Variants in CELF2 observed in about 807,000 individuals in gnomAD.
CELF2 encodes CUG triplet repeat RNA-binding protein 2.
Under a neutral mutation model 62.6 loss-of-function variants are expected in CELF2, and 8 were observed. The ratio of observed to expected loss-of-function variants is 0.13; its 90% CI spans 0.07 to 0.23. CELF2 has a LOEUF of 0.23. CELF2 is among the 10% of genes least tolerant of loss of function. The probability of loss-of-function intolerance (pLI) is 1.00; values close to 1 mark genes in which losing one functional copy is unlikely to be tolerated. For missense variants in CELF2, 333 were observed against 671.0 expected (o/e 0.50, Z 5.56); for synonymous variants, 258 against 250.0 (o/e 1.03, Z -0.30).
At chr10:10,811,239 G>A (rs1365739665) in intron 1 of CELF2, among the ~76,000 whole-genome samples, 1 of 152,162 alleles carries the variant, frequency 6.6e-6, no homozygotes, top group Non-Finnish European at 1.5e-5. Context: ...TAAATTAAGT[G>A]GTCAGGACAG....
At chr10:11,197,083 G>GAAAGAAAAGAAAGAAAGGA (rs1554936937) in intron 2 of CELF2, among the ~76,000 whole-genome samples, 1 of 114,810 alleles carries the variant, frequency 8.7e-6, no homozygotes, top group South Asian at 3.4e-4. Flanking sequence ...AAGAAAGAAA[G>GAAAGAAAAGAAAGAAAGGA]AAGAAAGAAA....
rs528480128 is a variant in CELF2 at position 11,159,901 on chromosome 10, A to T, written c.75-5585A>T. Among the ~76,000 whole-genome samples the T allele has an allele frequency of 2.0e-5, 3 of 152,276 alleles. No individual in the cohort carries two copies. The East Asian group carries it at 5.8e-4, about 29-fold the overall frequency. ...TTAGCTACAGAAATGATGGGACTGAAGTTAGGACATTAAGAAGAGCATTGG... is the reference window on the plus strand; with the variant it reads ...TTAGCTACAGAAATGATGGGACTGATGTTAGGACATTAAGAAGAGCATTGG... On this transcript the variant is annotated intron_variant, in intron 1 of 12. Coordinates refer to ENST00000633077, the MANE Select transcript of CELF2 (RefSeq NM_001326342.2). The surrounding 1 kb of genome is among the most constrained non-coding windows in gnomAD (Gnocchi z 5.0).
the CELF2 span, among the ~76,000 whole-genome samples, chr10:10,751,163 G>A: frequency 2.6e-5 from 4 of 152,238 alleles, no homozygotes; most frequent in Non-Finnish European, 4.4e-5. Context: ...GCCTGTGGGA[G>A]CAAAACCTTT....
At chr10:10,911,526 A>G (rs76857924) in intron 1 of CELF2, among the ~76,000 whole-genome samples, 3,281 of 152,276 alleles carry the variant, frequency 0.022, 56 homozygotes, top group Middle Eastern at 0.051. Context: ...CCTGCCTCCT[A>G]TCAGATGGAA....
intron 1 of CELF2, among the ~76,000 whole-genome samples, chr10:11,057,675 C>T (rs1404639897): frequency 3.9e-5 from 6 of 152,124 alleles, no homozygotes; most frequent in Non-Finnish European, 7.3e-5. Context: ...GTACTTGAAG[C>T]TGGCTTTTTA....
At chr10:11,060,786 T>C (rs1253195751) in intron 1 of CELF2, among the ~76,000 whole-genome samples, 2 of 152,222 alleles carry the variant, frequency 1.3e-5, no homozygotes, top group Non-Finnish European at 2.9e-5. Flanking sequence ...GTTTCAAACT[T>C]TATTATAACT....
At chr10:10,702,756 C>T in the CELF2 span, among the ~76,000 whole-genome samples, 1 of 152,218 alleles carries the variant, frequency 6.6e-6, no homozygotes, top group East Asian at 1.9e-4. Context: ...AGCTAATTTT[C>T]TGTATTTTTA....
chr10:10,725,402 G>T, the CELF2 span, among the ~76,000 whole-genome samples: 3 of 152,202 alleles, frequency 2.0e-5, no homozygotes, highest in African/African-American at 7.2e-5. Context: ...GTCCGCAACA[G>T]TACGGGATTG....
intron 1 of CELF2, among the ~76,000 whole-genome samples, chr10:11,050,635 G>A (rs1015440903): frequency 4.6e-5 from 7 of 152,266 alleles, no homozygotes; most frequent in East Asian, 1.9e-4. Flanking sequence ...GCCTGTTTCC[G>A]TGATCTCCCA....
At position 11,244,811 on chromosome 10, in the gene CELF2, C is replaced by A. The variant is rs780042230; in HGVS notation, c.355-4342C>A. Among the ~76,000 whole-genome samples the A allele has an allele frequency of 6.6e-6, 1 of 152,190 alleles. No homozygotes were observed. Among genetic ancestry groups the A allele is most frequent in the Non-Finnish European group, 1.5e-5 (1 of 68,030 alleles). On this transcript the variant is annotated intron_variant, in intron 3 of 12. Coordinates refer to ENST00000633077, the MANE Select transcript of CELF2 (RefSeq NM_001326342.2). The surrounding 1 kb of genome is among the most constrained non-coding windows in gnomAD (Gnocchi z 4.2). ...TGTTCTTTTCCCTGAAATGTCCTTT[C>A]CACATCTTCCGGTTAACATGAGGAT...
At chr10:10,771,565 T>A in the CELF2 span, among the ~76,000 whole-genome samples, 1 of 152,212 alleles carries the variant, frequency 6.6e-6, no homozygotes, top group African/African-American at 2.4e-5. Flanking sequence ...TGAGAGATAA[T>A]TGAATCACTG....
At chr10:10,767,435 A>G in the CELF2 span, among the ~76,000 whole-genome samples, 2 of 152,308 alleles carry the variant, frequency 1.3e-5, no homozygotes, top group African/African-American at 4.8e-5. Context: ...CTCTCAGCCT[A>G]AGTCCCTCAG....
chr10:10,464,511 T>G, the CELF2 span, among the ~76,000 whole-genome samples: 1 of 152,164 alleles, frequency 6.6e-6, no homozygotes, highest in Admixed American at 6.5e-5. Flanking sequence ...CTCTTCTTTG[T>G]AATTTTCTAA....
rs1337716964 is a variant in CELF2 at position 11,145,695 on chromosome 10, A to G, written c.75-19791A>G. On this transcript the variant is annotated intron_variant, in intron 1 of 12. Transcript: ENST00000633077. The surrounding 1 kb of genome is among the most constrained non-coding windows in gnomAD (Gnocchi z 4.3). Reference sequence around the variant, plus strand: ...AATGTAGAACAACTGCACATAAACCAGACATGCTTTAGAAAATCCAGCCAG... The same window carrying G: ...AATGTAGAACAACTGCACATAAACCGGACATGCTTTAGAAAATCCAGCCAG... Among the ~76,000 whole-genome samples the G allele has an allele frequency of 6.6e-6, 1 of 152,210 alleles. No homozygotes were observed. Among genetic ancestry groups the G allele is most frequent in the Non-Finnish European group, 1.5e-5 (1 of 68,036 alleles).
At chr10:11,273,039 C>T (rs11257042) in intron 7 of CELF2, among the ~76,000 whole-genome samples, 31,144 of 152,122 alleles carry the variant, frequency 0.2, 4,497 homozygotes, top group East Asian at 0.69. Context: ...TTTCCCACCC[C>T]CTCTTCCCCG....
chr10:11,185,318 G>A (rs953037888), intron 2 of CELF2, among the ~76,000 whole-genome samples: 1 of 152,004 alleles, frequency 6.6e-6, no homozygotes, highest in Non-Finnish European at 1.5e-5. Context: ...GGAATTACAG[G>A]TGCACGTCAC....
Position 11,211,738 on chromosome 10 carries a change from G to T in CELF2, c.272-5687G>T, listed in dbSNP as rs1165844041. Among the ~76,000 whole-genome samples, 1 of 151,506 alleles carries T rather than the reference G, an allele frequency of 6.6e-6. No individual in the cohort carries two copies. The highest frequency in any genetic ancestry group is 1.9e-4 in the East Asian group (1 of 5,138). On this transcript the variant is annotated intron_variant, in intron 2 of 12. Transcript: ENST00000633077. The surrounding 1 kb of genome is among the most constrained non-coding windows in gnomAD (Gnocchi z 4.8). ...TCAGTACAGTTGAGTGTTTCTTTAT[G>T]ATTTTAAACACACTACTGTGTGTGA...
the CELF2 span, among the ~76,000 whole-genome samples, chr10:10,772,310 C>A: frequency 6.6e-6 from 1 of 152,146 alleles, no homozygotes; most frequent in Non-Finnish European, 1.5e-5. Flanking sequence ...TGGGGTGAAT[C>A]TTTTGAGCTC....
the CELF2 span, among the ~76,000 whole-genome samples, chr10:10,775,155 G>A: frequency 2.0e-4 from 30 of 152,162 alleles, no homozygotes; most frequent in African/African-American, 6.5e-4. Flanking sequence ...GGGATTACAG[G>A]CGTGAGCCAC....
Sources: gnomAD v4.1 joint callset for allele counts (sites outside exome capture counted in the v4.1 genomes callset) on GRCh38, gnomAD v4.1.1 for gene constraint, Gnocchi (gnomAD v3.1) non-coding constraint, MANE v1.5 for transcripts, NCBI Gene and HGNC (gene_info 2026-07-23, HGNC 2026-07-21) for gene names.